ZNF652: variants seen among roughly 807,000 people sequenced by gnomAD.
ZNF652 encodes the protein zinc finger protein 652.
A neutral mutation model predicts 45.2 loss-of-function variants in ZNF652; 16 were observed. That is an observed-to-expected ratio of 0.35 (90% CI 0.24 to 0.54). The LOEUF is 0.54. ZNF652 is among the 20% of genes least tolerant of loss of function. The pLI, the probability that ZNF652 is intolerant of heterozygous loss-of-function variation, is 0.91. For synonymous variants in ZNF652, 250 were observed against 260.6 expected, an observed-to-expected ratio of 0.96 and a Z score of 0.39; for missense variants, 614 against 765.6, an observed-to-expected ratio of 0.80 and a Z score of 2.34.
intron 1 of ZNF652, among the ~76,000 whole-genome samples, chr17:49,319,259 T>C (rs1194123879): frequency 2.0e-5 from 3 of 152,078 alleles, no homozygotes; most frequent in Admixed American, 6.6e-5. Context: ...GCTATGGACA[T>C]AGGCACTATA....
chr17:49,303,161 A>G (rs2069577744), intron 5 of ZNF652, among the ~76,000 whole-genome samples: 1 of 152,044 alleles, frequency 6.6e-6, no homozygotes, highest in Non-Finnish European at 1.5e-5. Context: ...CCCCAAATTT[A>G]TTAAAAGAAA....
At chr17:49,351,023 ACACAC>A (rs2070275623) in intron 1 of ZNF652, among the ~76,000 whole-genome samples, 5 of 81,802 alleles carry the variant, frequency 6.1e-5, no homozygotes, top group Admixed American at 2.7e-4. Context: ...ATACACACAC[ACACAC>A]ACACACACAC....
chr17:49,335,318 G>A (rs1339163112), intron 1 of ZNF652, among the ~76,000 whole-genome samples: 1 of 152,102 alleles, frequency 6.6e-6, no homozygotes, highest in African/African-American at 2.4e-5. Context: ...GCTCTATTTG[G>A]AACTCTTCCA....
At chr17:49,328,168 C>G (rs1489391606) in intron 1 of ZNF652, among the ~76,000 whole-genome samples, 1 of 152,024 alleles carries the variant, frequency 6.6e-6, no homozygotes, top group Non-Finnish European at 1.5e-5. Context: ...GCTAAATACA[C>G]TCACCTATAC....
chr17:49,306,237 A>T (rs1356412024), intron 5 of ZNF652, among the ~76,000 whole-genome samples: 1 of 152,262 alleles, frequency 6.6e-6, no homozygotes, highest in Non-Finnish European at 1.5e-5. Context: ...TGAAATTAAA[A>T]AAGTCAAACA....
At chr17:49,347,423 G>A (rs2070215961) in intron 1 of ZNF652, among the ~76,000 whole-genome samples, 1 of 152,070 alleles carries the variant, frequency 6.6e-6, no homozygotes, top group African/African-American at 2.4e-5. Context: ...AAACTAGCTG[G>A]GCGTGATGGC....
intron 1 of ZNF652, among the ~76,000 whole-genome samples, chr17:49,360,041 T>C (rs978206213): frequency 3.3e-5 from 5 of 152,216 alleles, no homozygotes; most frequent in Non-Finnish European, 4.4e-5. Flanking sequence ...GGAACATACA[T>C]TACCAATTGG....
rs139209434 is a variant in ZNF652, at chr17:49,357,968, G to A, written c.-259+3941C>T. Among the ~76,000 whole-genome samples, 249 of 152,278 alleles carry A rather than the reference G, an allele frequency of 1.6e-3. 1 individual carries two copies. Among genetic ancestry groups the A allele is most frequent in the African/African-American group, 5.6e-3 (232 of 41,550 alleles). ...CTGCACAAATGAAAAAATGCAGATC[G>A]CAGTGCCAGACTTCTAAATCTTGTC... is the stretch of plus-strand genomic sequence containing the variant. On this transcript the variant is annotated intron_variant, in intron 1 of 5. Transcript: ENST00000430262.
At position 49,331,613 on chromosome 17, in the gene ZNF652, G is replaced by T. The variant is rs958270090; in HGVS notation, c.-258-13630C>A. On this transcript the variant is annotated intron_variant, in intron 1 of 5. Coordinates refer to ENST00000430262, the MANE Select transcript of ZNF652 (RefSeq NM_001145365.3). ...TCATTTAGAAAATGAAAATAACTCA[G>T]ATATGTCTTTATTACACTCTTGTAT... Among the ~76,000 whole-genome samples, 4 of 151,002 alleles carry T rather than the reference G, an allele frequency of 2.6e-5. No individual in the cohort carries two copies. The South Asian group carries it at 8.4e-4, about 32-fold the overall frequency.
chr17:49,314,935 T>C (rs1191074052), intron 2 of ZNF652, among the ~76,000 whole-genome samples: 3 of 152,076 alleles, frequency 2.0e-5, no homozygotes, highest in Non-Finnish European at 4.4e-5. Flanking sequence ...AGTGGTGCTA[T>C]CATGGCTTAC....
intron 1 of ZNF652, among the ~76,000 whole-genome samples, chr17:49,358,307 A>C (rs537124444): frequency 6.6e-6 from 1 of 152,320 alleles, no homozygotes; most frequent in Non-Finnish European, 1.5e-5. Context: ...ACCTCTATCG[A>C]AGTAAATTCA....
chr17:49,333,310 G>A (rs1168548258), intron 1 of ZNF652, among the ~76,000 whole-genome samples: 1 of 150,390 alleles, frequency 6.6e-6, no homozygotes, highest in Non-Finnish European at 1.5e-5. Context: ...GCCCACCTCG[G>A]CCTCCCAAAG....
chr17:49,348,516 A>AAAGAAAAGAC (rs2070234747), intron 1 of ZNF652, among the ~76,000 whole-genome samples: 1 of 138,678 alleles, frequency 7.2e-6, no homozygotes. Context: ...AAAGAAAAGA[A>AAAGAAAAGAC]AAGAAAAGAA....
At chr17:49,305,857 C>T (rs2069621706) in intron 5 of ZNF652, among the ~76,000 whole-genome samples, 1 of 152,152 alleles carries the variant, frequency 6.6e-6, no homozygotes, top group African/African-American at 2.4e-5. Context: ...ATAAGGTCTG[C>T]CTCATTTCTC....
chr17:49,310,792 CTTGGTAGG>C (rs550556000), intron 5 of ZNF652, among the ~76,000 whole-genome samples: 3,922 of 152,248 alleles, frequency 0.026, 160 homozygotes, highest in African/African-American at 0.086. Flanking sequence ...GTCCCAGCTA[CTTGGTAGG>C]CTAAGGTGGG....
intron 1 of ZNF652, chr17:49,322,605 A>T (rs1437331964): frequency 2.6e-5 from 4 of 152,244 alleles, no homozygotes; most frequent in African/African-American, 9.6e-5. Context: ...TAGTCTATTA[A>T]GTATGCAATA....
At chr17:49,327,773 A>G (rs1265629994) in intron 1 of ZNF652, among the ~76,000 whole-genome samples, 39 of 2,836 alleles carry the variant, frequency 0.014, no homozygotes, top group African/African-American at 0.061. Context: ...ATATATATAT[A>G]TATATATTTT....
chr17:49,312,127 G>A, intron 3 of ZNF652, 85 bp from the exon 4 acceptor site: 2 of 679,480 alleles, frequency 2.9e-6, no homozygotes, highest in South Asian at 2.2e-5. Context: ...AAGCAATTAG[G>A]CCATCCTAAT....
rs2070278635 is a variant in ZNF652, at chr17:49,351,105, C to T, written c.-259+10804G>A. On this transcript the variant is annotated intron_variant, in intron 1 of 5. Transcript: ENST00000430262. ...TATTTTAAACTTTGATGTTTTAAGACATTATCAGGATTCTCGGTAAAGACT... is the reference window on the plus strand; with the variant it reads ...TATTTTAAACTTTGATGTTTTAAGATATTATCAGGATTCTCGGTAAAGACT... Among the ~76,000 whole-genome samples, 3 of 148,474 alleles carry T rather than the reference C, an allele frequency of 2.0e-5. No individual in the cohort carries two copies. The Admixed American group carries it at 2.1e-4, about 10-fold the overall frequency.
Sources: gnomAD v4.1 joint callset for allele counts (sites outside exome capture counted in the v4.1 genomes callset) on GRCh38, gnomAD v4.1.1 for gene constraint, MANE v1.5 for transcripts, NCBI Gene and HGNC (gene_info 2026-07-23, HGNC 2026-07-21) for gene names.